PDE10A: variants seen among roughly 807,000 people sequenced by gnomAD.
PDE10A encodes phosphodiesterase 10A, also known as cAMP and cAMP-inhibited cGMP 3',5'-cyclic phosphodiesterase 10A.
A neutral mutation model predicts 97.7 loss-of-function variants in PDE10A; 39 were observed. That is an observed-to-expected ratio of 0.40 (90% CI 0.31 to 0.52). The LOEUF is 0.52. PDE10A is among the 20% of genes least tolerant of loss of function. The pLI is 0.56. For missense variants in PDE10A, 731 were observed against 1,047.8 expected, an observed-to-expected ratio of 0.70 and a Z score of 4.17; for synonymous variants, 371 against 376.8, an observed-to-expected ratio of 0.98 and a Z score of 0.18.
chr6:165,737,540 GA>G (rs906829865), intron 1 of PDE10A, among the ~76,000 whole-genome samples: 1 of 151,974 alleles, frequency 6.6e-6, no homozygotes, highest in Non-Finnish European at 1.5e-5. Context: ...CAGAATGAAA[GA>G]AAAAAATATA....
chr6:165,471,784 T>C (rs953936839), intron 3 of PDE10A, among the ~76,000 whole-genome samples: 4 of 152,142 alleles, frequency 2.6e-5, no homozygotes, highest in Non-Finnish European at 5.9e-5. Context: ...ACCAGCCTGG[T>C]CCAATTTCTT....
intron 1 of PDE10A, 103 bp from the exon 2 acceptor site, chr6:165,543,671 A>C: frequency 1.3e-4 from 109 of 821,100 alleles, no homozygotes; most frequent in Middle Eastern, 3.2e-4. Flanking sequence ...GCAACCTCTC[A>C]TCTAACGGAG....
At chr6:165,353,305 A>G (rs918562474) in intron 18 of PDE10A, among the ~76,000 whole-genome samples, 1 of 152,232 alleles carries the variant, frequency 6.6e-6, no homozygotes, top group Admixed American at 6.5e-5. Flanking sequence ...GAAATAATTC[A>G]TAATTATTCA....
At chr6:165,675,544 A>C (rs577547445) in intron 1 of PDE10A, among the ~76,000 whole-genome samples, 108 of 152,334 alleles carry the variant, frequency 7.1e-4, no homozygotes, top group African/African-American at 2.5e-3. Context: ...AAATACTGTC[A>C]TGGTATTTGT....
At chr6:165,827,595 A>G (rs777114089) in intron 1 of PDE10A, among the ~76,000 whole-genome samples, 1 of 152,220 alleles carries the variant, frequency 6.6e-6, no homozygotes, top group East Asian at 1.9e-4. Context: ...AATGGAGAGG[A>G]TGGTACTACT....
At chr6:165,377,526 GTGT>G (rs1341553935) in intron 18 of PDE10A, among the ~76,000 whole-genome samples, 2 of 151,998 alleles carry the variant, frequency 1.3e-5, no homozygotes, top group Non-Finnish European at 2.9e-5. Flanking sequence ...GGTACCAAAA[GTGT>G]TGTTATTTTT....
intron 1 of PDE10A, among the ~76,000 whole-genome samples, chr6:165,565,868 C>T (rs562195226): frequency 9.2e-5 from 14 of 152,098 alleles, no homozygotes; most frequent in Admixed American, 3.3e-4. Context: ...CAGGAACAGC[C>T]GGACAGCCTC....
At chr6:165,771,407 G>A (rs898440644) in intron 1 of PDE10A, among the ~76,000 whole-genome samples, 14 of 151,874 alleles carry the variant, frequency 9.2e-5, no homozygotes, top group African/African-American at 2.7e-4. Context: ...CCCTACAGAC[G>A]TTTGCATTGT....
chr6:165,861,096 C>G (rs755999585), intron 1 of PDE10A, among the ~76,000 whole-genome samples: 1 of 152,156 alleles, frequency 6.6e-6, no homozygotes, highest in Non-Finnish European at 1.5e-5. Context: ...TTTGTTTCCA[C>G]GAAGAGTGTT....
chr6:165,558,528 A>G (rs941444511), intron 1 of PDE10A, among the ~76,000 whole-genome samples: 1 of 152,148 alleles, frequency 6.6e-6, no homozygotes, highest in South Asian at 2.1e-4. Flanking sequence ...CACAGAATAC[A>G]TAGGTTTTCT....
At chr6:165,423,802 A>G (rs2128234080) in intron 10 of PDE10A, among the ~76,000 whole-genome samples, 1 of 151,738 alleles carries the variant, frequency 6.6e-6, no homozygotes, top group East Asian at 2.0e-4. Context: ...GTGAGCCGAG[A>G]TCATGCCACT....
At chr6:165,955,972 A>G (rs901562263) in intron 1 of PDE10A, among the ~76,000 whole-genome samples, 2 of 152,242 alleles carry the variant, frequency 1.3e-5, no homozygotes, top group Admixed American at 1.3e-4. Flanking sequence ...GCATATTCTT[A>G]ACATTGATGC....
At chr6:165,955,890 T>A (rs1049479331) in intron 1 of PDE10A, among the ~76,000 whole-genome samples, 1 of 152,220 alleles carries the variant, frequency 6.6e-6, no homozygotes, top group African/African-American at 2.4e-5. Context: ...AATATACATT[T>A]GATTCATATA....
At chr6:165,839,732 C>A (rs1293389983) in intron 1 of PDE10A, among the ~76,000 whole-genome samples, 1 of 17,996 alleles carries the variant, frequency 5.6e-5, no homozygotes, top group East Asian at 2.0e-3. Flanking sequence ...CATCTCAAAC[C>A]TCATCTTCAT....
intron 18 of PDE10A, among the ~76,000 whole-genome samples, chr6:165,351,421 T>C (rs1782686392): frequency 6.6e-6 from 1 of 152,028 alleles, no homozygotes; most frequent in Non-Finnish European, 1.5e-5. Flanking sequence ...AAACAAAGAA[T>C]GAAATTTTTT....
chr6:165,463,675 G>GCC lies in PDE10A; in HGVS notation c.1024-13315_1024-13314dup, dbSNP rs141516506. Among the ~76,000 whole-genome samples the GCC allele has an allele frequency of 8.0e-4, 122 of 151,820 alleles. No homozygotes were observed. In the Middle Eastern group the frequency reaches 0.01, roughly 13 times the overall value. ...AAGAAGGGGGACATGTTGGGAATAA[G>GCC]CCCCCCCCAAAAATCTGGCCATAAA... On this transcript the variant is annotated intron_variant, in intron 3 of 21. Transcript: ENST00000539869.
chr6:165,820,508 A>G (rs1451414040), intron 1 of PDE10A, among the ~76,000 whole-genome samples: 1 of 152,190 alleles, frequency 6.6e-6, no homozygotes, highest in East Asian at 1.9e-4. Context: ...TTCCTGGTTT[A>G]TCCAAGTTTG....
chr6:165,614,785 G>C (rs1300860959), intron 1 of PDE10A, among the ~76,000 whole-genome samples: 1 of 151,604 alleles, frequency 6.6e-6, no homozygotes, highest in Non-Finnish European at 1.5e-5. Context: ...TCCTCAGACA[G>C]TCTCACTGAC....
In PDE10A at chr6:165,717,396, C is replaced by A. The variant is rs536103951; in HGVS notation, c.-614-173828G>T. Among the ~76,000 whole-genome samples, 3 of 152,238 alleles carry A rather than the reference C, an allele frequency of 2.0e-5. No individual in the cohort carries two copies. The East Asian group carries it at 5.8e-4, about 29-fold the overall frequency. On this transcript the variant is annotated intron_variant, in intron 1 of 19. Transcript: ENST00000366882. ...CCTGAAGTCAGGAGTTTGAGACCAG[C>A]CTGACCAATATGATGAAACCCTGTT...
Sources: gnomAD v4.1 joint callset for allele counts (sites outside exome capture counted in the v4.1 genomes callset) on GRCh38, gnomAD v4.1.1 for gene constraint, MANE v1.5 for transcripts, NCBI Gene and HGNC (gene_info 2026-07-23, HGNC 2026-07-21) for gene names.